SPOCK1: variants seen among roughly 807,000 people sequenced by gnomAD.
SPOCK1 encodes the protein SPARC (osteonectin), cwcv and kazal like domains proteoglycan 1, also known as testican-1.
SPOCK1 carries 23 observed loss-of-function variants against 55.3 expected under a neutral mutation model. That is an observed-to-expected ratio of 0.42 (90% CI 0.30 to 0.59). SPOCK1 has a LOEUF of 0.59. SPOCK1 is among the 20% of genes least tolerant of loss of function. SPOCK1 has a pLI of 0.22. For missense variants in SPOCK1, 499 were observed against 552.5 expected, an observed-to-expected ratio of 0.90 and a Z score of 0.97; for synonymous variants, 226 against 221.0, an observed-to-expected ratio of 1.02 and a Z score of -0.20.
At chr5:137,489,484 C>T (rs1754129157) in intron 2 of SPOCK1, among the ~76,000 whole-genome samples, 1 of 152,158 alleles carries the variant, frequency 6.6e-6, no homozygotes, top group Admixed American at 6.5e-5. Flanking sequence ...GAGAAACTTC[C>T]AGACCATGGA....
intron 2 of SPOCK1, among the ~76,000 whole-genome samples, chr5:137,390,345 C>G (rs980935337): frequency 6.6e-6 from 1 of 152,184 alleles, no homozygotes; most frequent in African/African-American, 2.4e-5. Context: ...GGGACCTGAA[C>G]AGCCTCCCAG....
chr5:137,003,790 A>T (rs1043342482), intron 6 of SPOCK1, among the ~76,000 whole-genome samples: 7 of 152,232 alleles, frequency 4.6e-5, no homozygotes, highest in Admixed American at 3.3e-4. Context: ...TTAATGGAGC[A>T]GAAAGCCACA....
At chr5:137,460,252 C>G (rs1209013121) in intron 2 of SPOCK1, among the ~76,000 whole-genome samples, 2 of 152,184 alleles carry the variant, frequency 1.3e-5, no homozygotes, top group Non-Finnish European at 2.9e-5. Flanking sequence ...TCTGGGAGAT[C>G]TGGCTTCTAC....
At chr5:137,031,852 T>G (rs1433964384) in intron 6 of SPOCK1, among the ~76,000 whole-genome samples, 4 of 151,914 alleles carry the variant, frequency 2.6e-5, no homozygotes, top group Non-Finnish European at 5.9e-5. Flanking sequence ...GATTAACAAA[T>G]GTATGGTGTA....
At chr5:137,246,055 C>T (rs1756389634) in intron 3 of SPOCK1, among the ~76,000 whole-genome samples, 1 of 152,212 alleles carries the variant, frequency 6.6e-6, no homozygotes, top group South Asian at 2.1e-4. Context: ...TCCTCTATGT[C>T]CTACTTGAAC....
At chr5:136,980,423 C>A (rs1450828195) in intron 9 of SPOCK1, among the ~76,000 whole-genome samples, 1 of 152,128 alleles carries the variant, frequency 6.6e-6, no homozygotes, top group Admixed American at 6.5e-5. Flanking sequence ...TGTGTCCCCA[C>A]CCAAATCTCA....
At chr5:137,020,443 A>C (rs1430782329) in intron 6 of SPOCK1, among the ~76,000 whole-genome samples, 1 of 151,862 alleles carries the variant, frequency 6.6e-6, no homozygotes, top group African/African-American at 2.4e-5. Context: ...CCTAAAATGT[A>C]TGCACTTAAT....
intron 3 of SPOCK1, among the ~76,000 whole-genome samples, chr5:137,247,677 A>C (rs777104878): frequency 1.3e-5 from 2 of 152,226 alleles, no homozygotes; most frequent in Non-Finnish European, 2.9e-5. Context: ...AAGTTTATTT[A>C]GCTCAAGGTT....
chr5:137,110,081 G>A (rs986932822), intron 5 of SPOCK1, among the ~76,000 whole-genome samples: 4 of 152,166 alleles, frequency 2.6e-5, no homozygotes, highest in Non-Finnish European at 4.4e-5. Context: ...TTCTTTCTAC[G>A]GTGAGTGACC....
intron 6 of SPOCK1, among the ~76,000 whole-genome samples, chr5:137,026,771 G>A (rs1751684021): frequency 6.6e-6 from 1 of 152,216 alleles, no homozygotes; most frequent in African/African-American, 2.4e-5. Context: ...GGTCTGAGTT[G>A]CTGGGCCAAG....
chr5:137,210,894 A>G (rs551446377), intron 3 of SPOCK1, among the ~76,000 whole-genome samples: 26 of 152,330 alleles, frequency 1.7e-4, no homozygotes, highest in Non-Finnish European at 3.1e-4. Flanking sequence ...CAGGGGCTCA[A>G]TTCTAAGGTT....
At chr5:137,411,746 T>A (rs377158759) in intron 2 of SPOCK1, among the ~76,000 whole-genome samples, 96 of 152,318 alleles carry the variant, frequency 6.3e-4, no homozygotes, top group Middle Eastern at 3.4e-3. Context: ...GAGGCTCCCA[T>A]CCTGCAAATG....
intron 3 of SPOCK1, among the ~76,000 whole-genome samples, chr5:137,246,720 T>C (rs932280164): frequency 2.6e-5 from 4 of 152,180 alleles, no homozygotes; most frequent in Non-Finnish European, 4.4e-5. Context: ...CTACTCTAGA[T>C]CTCATTCTGT....
chr5:137,341,237 A>G (rs1350717569), intron 2 of SPOCK1, among the ~76,000 whole-genome samples: 1 of 152,270 alleles, frequency 6.6e-6, no homozygotes, highest in East Asian at 1.9e-4. Context: ...GACAAGTTCT[A>G]TCCTCTCCTA....
intron 7 of SPOCK1, among the ~76,000 whole-genome samples, chr5:136,991,419 T>C (rs1302546372): frequency 6.6e-6 from 1 of 152,142 alleles, no homozygotes; most frequent in Non-Finnish European, 1.5e-5. Flanking sequence ...TAGAAGGCTA[T>C]GAGCAGCCAA....
At chr5:137,002,248 T>C (rs1459798179) in intron 6 of SPOCK1, among the ~76,000 whole-genome samples, 1 of 152,178 alleles carries the variant, frequency 6.6e-6, no homozygotes, top group Non-Finnish European at 1.5e-5. Flanking sequence ...ATTAAGACTA[T>C]TCTAGGTAAG....
intron 4 of SPOCK1, among the ~76,000 whole-genome samples, chr5:137,131,226 T>A (rs982227462): frequency 5.9e-5 from 9 of 152,202 alleles, no homozygotes; most frequent in African/African-American, 2.2e-4. Flanking sequence ...GACAGTAGAT[T>A]TATTAAATAA....
At chr5:137,117,803 C>T (rs754473453) in intron 4 of SPOCK1, among the ~76,000 whole-genome samples, 2 of 152,038 alleles carry the variant, frequency 1.3e-5, no homozygotes, top group South Asian at 2.1e-4. Flanking sequence ...TGTGCATCAG[C>T]GGGCTAAGGA....
At chr5:137,055,425 C>G (rs553618630) in intron 6 of SPOCK1, among the ~76,000 whole-genome samples, 1 of 152,176 alleles carries the variant, frequency 6.6e-6, no homozygotes, top group Non-Finnish European at 1.5e-5. Flanking sequence ...AGCTCAGAGG[C>G]CTTGAGAAGC....
Sources: gnomAD v4.1 joint callset for allele counts (sites outside exome capture counted in the v4.1 genomes callset) on GRCh38, gnomAD v4.1.1 for gene constraint, MANE v1.5 for transcripts, NCBI Gene and HGNC (gene_info 2026-07-23, HGNC 2026-07-21) for gene names.